Variants in AKR1C8 observed in about 807,000 individuals in gnomAD.
AKR1C8 encodes aldo-keto reductase family 1 member C8.
the AKR1C8 span, among the ~76,000 whole-genome samples, chr10:5,137,669 T>C: frequency 3.9e-5 from 6 of 152,064 alleles, no homozygotes; most frequent in African/African-American, 1.4e-4. Flanking sequence ...ACTGGCACAA[T>C]ATTGGGGCAA....
chr10:5,175,932 G>T, the AKR1C8 span, among the ~76,000 whole-genome samples: 1 of 152,124 alleles, frequency 6.6e-6, no homozygotes, highest in Non-Finnish European at 1.5e-5. Flanking sequence ...TAGGTTGCCT[G>T]TTCACTCTAA....
At chr10:5,163,826 C>T in the AKR1C8 span, among the ~76,000 whole-genome samples, 2 of 152,284 alleles carry the variant, frequency 1.3e-5, no homozygotes, top group Non-Finnish European at 1.5e-5. Flanking sequence ...GAGAACAAGA[C>T]TCACCACAGA....
At chr10:5,181,549 A>T in the AKR1C8 span, among the ~76,000 whole-genome samples, 3 of 152,164 alleles carry the variant, frequency 2.0e-5, no homozygotes, top group Non-Finnish European at 2.9e-5. Flanking sequence ...AAGGCCCCTA[A>T]AACAACCCCA....
the AKR1C8 span, among the ~76,000 whole-genome samples, chr10:5,165,055 A>C: frequency 6.6e-6 from 1 of 152,160 alleles, no homozygotes; most frequent in Non-Finnish European, 1.5e-5. Flanking sequence ...GTGATTCCCT[A>C]GAAACAAGGG....
the AKR1C8 span, among the ~76,000 whole-genome samples, chr10:5,157,095 G>A: frequency 6.6e-6 from 1 of 152,136 alleles, no homozygotes; most frequent in Admixed American, 6.5e-5. Context: ...GGTAATAAAA[G>A]ATAATCCAGA....
At chr10:5,181,035 C>A in the AKR1C8 span, among the ~76,000 whole-genome samples, 1 of 152,188 alleles carries the variant, frequency 6.6e-6, no homozygotes, top group Non-Finnish European at 1.5e-5. Context: ...TGAGATGAAC[C>A]CGGTACCTCA....
chr10:5,183,196 A>G, the AKR1C8 span, among the ~76,000 whole-genome samples: 9 of 152,320 alleles, frequency 5.9e-5, no homozygotes, highest in Middle Eastern at 3.4e-3. Flanking sequence ...ACAGTAAAAG[A>G]TAAATAATAT....
At chr10:5,124,882 C>G in the AKR1C8 span, among the ~76,000 whole-genome samples, 11 of 152,014 alleles carry the variant, frequency 7.2e-5, no homozygotes, top group Non-Finnish European at 8.8e-5. Context: ...GGTGTAATTT[C>G]AGGGATACAG....
the AKR1C8 span, among the ~76,000 whole-genome samples, chr10:5,148,880 T>A: frequency 8.6e-5 from 13 of 151,934 alleles, no homozygotes; most frequent in African/African-American, 3.1e-4. Flanking sequence ...TACCAGGAAG[T>A]CTAATTTCTA....
chr10:5,177,340 G>C, the AKR1C8 span, among the ~76,000 whole-genome samples: 4 of 152,082 alleles, frequency 2.6e-5, no homozygotes, highest in Admixed American at 1.3e-4. Flanking sequence ...ACTTGATCAT[G>C]GTGGGATAAG....
chr10:5,154,455 T>C, the AKR1C8 span: 1 of 273,824 alleles, frequency 3.7e-6, no homozygotes, highest in East Asian at 8.6e-5. Context: ...TCATTTTTCT[T>C]TTTTACAATT....
chr10:5,129,376 T>C, the AKR1C8 span, among the ~76,000 whole-genome samples: 59,521 of 151,622 alleles, frequency 0.39, 12,482 homozygotes, highest in Non-Finnish European at 0.43. Flanking sequence ...ACTAGAGAAA[T>C]AGGAACTAAC....
the AKR1C8 span, chr10:5,154,617 A>G: frequency 6.6e-6 from 1 of 152,500 alleles, no homozygotes; most frequent in Non-Finnish European, 1.5e-5. Context: ...CTCTGGGTAC[A>G]GAAAAGTTAC....
At chr10:5,167,471 C>A in the AKR1C8 span, among the ~76,000 whole-genome samples, 7 of 152,150 alleles carry the variant, frequency 4.6e-5, no homozygotes, top group African/African-American at 1.7e-4. Context: ...ATTATAAGTT[C>A]ATGTCCTTTG....
At chr10:5,141,011 C>A in the AKR1C8 span, among the ~76,000 whole-genome samples, 36 of 152,116 alleles carry the variant, frequency 2.4e-4, no homozygotes, top group Admixed American at 2.4e-3. Context: ...AGAGATTTCT[C>A]TGCTGTTTGA....
At chr10:5,130,916 G>C in the AKR1C8 span, among the ~76,000 whole-genome samples, 2 of 152,028 alleles carry the variant, frequency 1.3e-5, no homozygotes, top group Non-Finnish European at 2.9e-5. Context: ...AAGAAATCTG[G>C]AGGCAGTACA....
the AKR1C8 span, among the ~76,000 whole-genome samples, chr10:5,124,912 C>T: frequency 1.3e-5 from 2 of 151,952 alleles, no homozygotes; most frequent in Admixed American, 6.6e-5. Context: ...GACAGTTTAT[C>T]TCCAAAAATG....
At chr10:5,177,920 CA>C in the AKR1C8 span, among the ~76,000 whole-genome samples, 4 of 151,958 alleles carry the variant, frequency 2.6e-5, no homozygotes, top group African/African-American at 4.8e-5. Flanking sequence ...TTGATCCTTT[CA>C]AAAAAACAGC....
At chr10:5,119,304 C>T in the AKR1C8 span, among the ~76,000 whole-genome samples, 3 of 152,078 alleles carry the variant, frequency 2.0e-5, no homozygotes, top group Non-Finnish European at 4.4e-5. Context: ...AGATGCACTG[C>T]TTTAAAGTCA....
Sources: gnomAD v4.1 joint callset for allele counts (sites outside exome capture counted in the v4.1 genomes callset) on GRCh38, gnomAD v4.1.1 for gene constraint, MANE v1.5 for transcripts, NCBI Gene and HGNC (gene_info 2026-07-23, HGNC 2026-07-21) for gene names.